PSD2: variants seen among roughly 807,000 people sequenced by gnomAD.
PSD2 encodes PH and SEC7 domain-containing protein 2.
Under a neutral mutation model 69.8 loss-of-function variants are expected in PSD2, and 38 were observed. That is an observed-to-expected ratio of 0.54 (90% CI 0.42 to 0.71). PSD2 has a LOEUF of 0.71. Ranked by LOEUF, PSD2 falls within the 30% of genes least tolerant of loss-of-function variation. The pLI, the probability that PSD2 is intolerant of heterozygous loss-of-function variation, is 0.00. For synonymous variants in PSD2, 412 were observed against 423.0 expected (o/e 0.97, Z 0.32); for missense variants, 943 against 1,014.5 (o/e 0.93, Z 0.96).
At chr5:139,764,658 G>A in the PSD2 span, among the ~76,000 whole-genome samples, 1 of 152,134 alleles carries the variant, frequency 6.6e-6, no homozygotes, top group Non-Finnish European at 1.5e-5. Flanking sequence ...AGCCCCTCCC[G>A]GCCCAGCAGC....
the PSD2 span, among the ~76,000 whole-genome samples, chr5:139,769,536 T>C: frequency 6.6e-6 from 1 of 151,958 alleles, no homozygotes; most frequent in Non-Finnish European, 1.5e-5. Context: ...TATAAAGACT[T>C]CTCCCCTGCC....
At chr5:139,794,219 A>G (rs1436196095), upstream of PSD2, among the ~76,000 whole-genome samples, 2 of 152,224 alleles carry the variant, frequency 1.3e-5, no homozygotes, top group Non-Finnish European at 2.9e-5. Flanking sequence ...TCACAGATTC[A>G]GATCTCCTGG....
intron 7 of PSD2, among the ~76,000 whole-genome samples, chr5:139,825,434 A>G (rs1242517808): frequency 6.6e-6 from 1 of 152,178 alleles, no homozygotes. Context: ...TTGCTGGTTC[A>G]TATATCTGGT....
chr5:139,761,970 C>T, the PSD2 span, among the ~76,000 whole-genome samples: 4 of 152,164 alleles, frequency 2.6e-5, no homozygotes, highest in Non-Finnish European at 5.9e-5. Context: ...TCTGAGCCTC[C>T]GTTTCCATAG....
chr5:139,816,658 C>T (rs1050472700), intron 4 of PSD2, among the ~76,000 whole-genome samples: 12 of 152,246 alleles, frequency 7.9e-5, no homozygotes, highest in African/African-American at 2.9e-4. Flanking sequence ...TGCCAGTCTT[C>T]TTGAAATACA....
chr5:139,840,270 G>T, intron 14 of PSD2, 100 bp downstream of exon 14: 1 of 1,337,588 alleles, frequency 7.5e-7, no homozygotes, highest in South Asian at 1.4e-5. Context: ...TAGTGATAAA[G>T]GGGCTCATTG....
the PSD2 span, among the ~76,000 whole-genome samples, chr5:139,772,030 T>C: frequency 6.6e-6 from 1 of 152,150 alleles, no homozygotes; most frequent in East Asian, 1.9e-4. Flanking sequence ...TCTCCTTGGC[T>C]TGCTCTTAGG....
chr5:139,793,128 G>A (rs1759448897), upstream of PSD2, among the ~76,000 whole-genome samples: 1 of 152,028 alleles, frequency 6.6e-6, no homozygotes, highest in Admixed American at 6.6e-5. Flanking sequence ...TTTTAGTAGA[G>A]AGGGGGGTTT....
At chr5:139,792,860 TTCCTTCCTTCC>T (rs1485844550), upstream of PSD2, among the ~76,000 whole-genome samples, 1 of 6,478 alleles carries the variant, frequency 1.5e-4, no homozygotes, top group Non-Finnish European at 3.9e-4. Context: ...CTTTCTGTCT[TTCCTTCCTTCC>T]TTCCTTCCTT....
At chr5:139,767,382 T>C in the PSD2 span, among the ~76,000 whole-genome samples, 3 of 152,242 alleles carry the variant, frequency 2.0e-5, no homozygotes, top group African/African-American at 7.2e-5. Context: ...TGTCACGATC[T>C]CAGATCACTG....
chr5:139,778,925 T>C, the PSD2 span, among the ~76,000 whole-genome samples: 1 of 130,714 alleles, frequency 7.7e-6, no homozygotes, highest in African/African-American at 2.9e-5. Context: ...CGAGCCAATG[T>C]CTCAAAAAAA....
the PSD2 span, among the ~76,000 whole-genome samples, chr5:139,777,500 G>C: frequency 4.2e-3 from 638 of 152,334 alleles, 8 homozygotes; most frequent in African/African-American, 0.015. Context: ...TGTAAGACAG[G>C]TTTGCTCAGG....
upstream of PSD2, among the ~76,000 whole-genome samples, chr5:139,791,978 A>G (rs1282033980): frequency 6.6e-6 from 1 of 152,224 alleles, no homozygotes; most frequent in Non-Finnish European, 1.5e-5. Context: ...GAGAGGAATT[A>G]GCCAAATGAG....
At chr5:139,795,407 C>T (rs1759493522), upstream of PSD2, among the ~76,000 whole-genome samples, 1 of 152,066 alleles carries the variant, frequency 6.6e-6, no homozygotes, top group Admixed American at 6.5e-5. The surrounding 1 kb of genome is among the most constrained non-coding windows in gnomAD (Gnocchi z 4.5). Flanking sequence ...GGCCAGGACC[C>T]GCCCCCTCCT....
chr5:139,765,996 C>T, the PSD2 span, among the ~76,000 whole-genome samples: 1 of 152,166 alleles, frequency 6.6e-6, no homozygotes. Flanking sequence ...TGTCCTCAAG[C>T]TGGCGGCGAT....
intron 1 of PSD2, among the ~76,000 whole-genome samples, chr5:139,808,422 G>A (rs950092303): frequency 6.6e-6 from 1 of 152,154 alleles, no homozygotes; most frequent in Non-Finnish European, 1.5e-5. Flanking sequence ...TGGGTAAATG[G>A]GTCTCCTCAT....
chr5:139,788,525 G>T, the PSD2 span, among the ~76,000 whole-genome samples: 2 of 152,150 alleles, frequency 1.3e-5, no homozygotes, highest in Non-Finnish European at 2.9e-5. Flanking sequence ...GACTGGGGGG[G>T]GCACAAGGGG....
At position 139,799,215 on chromosome 5, in the gene PSD2, T is replaced by TC. The variant is rs1186676495; in HGVS notation, c.-51+3245dup. Among the ~76,000 whole-genome samples the TC allele has an allele frequency of 3.9e-5, 6 of 152,146 alleles. 1 individual carries two copies. The highest frequency in any genetic ancestry group is 9.7e-5 in the African/African-American group (4 of 41,424). On this transcript the variant is annotated intron_variant, in intron 1 of 14. Coordinates refer to ENST00000274710, the MANE Select transcript of PSD2 (RefSeq NM_032289.4). ...GGTCCCTGTATTTCAATTCTGTTCC[T>TC]CCCCCTTCCCTACCTCCAGAAGCTT...
At chr5:139,766,903 C>A in the PSD2 span, among the ~76,000 whole-genome samples, 1 of 62,802 alleles carries the variant, frequency 1.6e-5, no homozygotes. Flanking sequence ...TTCCCTCTTT[C>A]CCTCCCTTCC....
Sources: allele counts gnomAD v4.1 joint callset (sites outside exome capture counted in the v4.1 genomes callset), GRCh38; gene constraint gnomAD v4.1.1; non-coding constraint Gnocchi (gnomAD v3.1); transcripts MANE v1.5; gene names NCBI Gene and HGNC (gene_info 2026-07-23, HGNC 2026-07-21).